SH3GL2: variants seen among roughly 807,000 people sequenced by gnomAD.
SH3GL2 encodes the protein endophilin-A1.
Under a neutral mutation model 46.0 loss-of-function variants are expected in SH3GL2, and 24 were observed. The ratio of observed to expected loss-of-function variants is 0.52; its 90% confidence interval spans 0.38 to 0.73. The LOEUF (loss-of-function observed/expected upper bound fraction) is 0.73, where lower values mean the gene tolerates loss of function less well. SH3GL2 is among the 30% of genes least tolerant of loss of function. The pLI is 0.00. For missense variants in SH3GL2, 413 were observed against 424.2 expected (o/e 0.97, Z 0.23); for synonymous variants, 196 against 147.1 (o/e 1.33, Z -2.40).
At chr9:17,743,254 G>A (rs554350291) in intron 1 of SH3GL2, among the ~76,000 whole-genome samples, 1 of 152,276 alleles carries the variant, frequency 6.6e-6, no homozygotes, top group African/African-American at 2.4e-5. Flanking sequence ...TCGGGGCCTT[G>A]ATATATTTAG....
chr9:17,783,657 C>T (rs1823874867), intron 3 of SH3GL2, among the ~76,000 whole-genome samples: 1 of 152,066 alleles, frequency 6.6e-6, no homozygotes, highest in Admixed American at 6.6e-5. Context: ...AGAAACTACT[C>T]ATTTTAGCAG....
chr9:17,677,456 A>C (rs1394382193), intron 1 of SH3GL2, among the ~76,000 whole-genome samples: 1 of 152,120 alleles, frequency 6.6e-6, no homozygotes, highest in African/African-American at 2.4e-5. Flanking sequence ...CCAAGCACTT[A>C]TTTGGGGGTC....
chr9:17,785,427 A>G (rs963007626), intron 3 of SH3GL2, among the ~76,000 whole-genome samples: 2 of 152,182 alleles, frequency 1.3e-5, no homozygotes, highest in Non-Finnish European at 2.9e-5. Context: ...CAATGCCTCT[A>G]AGACTCAAAG....
chr9:17,659,258 G>T lies in SH3GL2; in HGVS notation c.45+79971G>T, dbSNP rs1220710576. ...GGCTCTCTTCCCCATCTCAGACAAA[G>T]CTTTGGTTCCCTTTGGTCTGCAGCA... On this transcript the variant is annotated intron_variant, in intron 1 of 8. Coordinates refer to ENST00000380607, the MANE Select transcript of SH3GL2 (RefSeq NM_003026.5). Among the ~76,000 whole-genome samples, 6 of 152,288 alleles carry T rather than the reference G, an allele frequency of 3.9e-5. No homozygotes were observed. The South Asian group carries it at 1.2e-3, about 32-fold the overall frequency.
chr9:17,609,014 G>C (rs1217289713), intron 1 of SH3GL2, among the ~76,000 whole-genome samples: 2 of 152,198 alleles, frequency 1.3e-5, no homozygotes, highest in African/African-American at 2.4e-5. Flanking sequence ...CCCAGCATCT[G>C]CTGCTTCTGT....
chr9:17,690,349 C>T (rs1821044464), intron 1 of SH3GL2, among the ~76,000 whole-genome samples: 1 of 152,138 alleles, frequency 6.6e-6, no homozygotes, highest in Admixed American at 6.6e-5. Flanking sequence ...TTTTTATGGA[C>T]TCCTCCAAGC....
At chr9:17,706,379 C>G (rs952064969) in intron 1 of SH3GL2, among the ~76,000 whole-genome samples, 2 of 152,056 alleles carry the variant, frequency 1.3e-5, no homozygotes, top group African/African-American at 4.8e-5. Flanking sequence ...AGCTGTTTTT[C>G]TCCACATTGC....
intron 1 of SH3GL2, among the ~76,000 whole-genome samples, chr9:17,725,396 T>G (rs1211332803): frequency 1.3e-5 from 2 of 152,158 alleles, no homozygotes; most frequent in African/African-American, 4.8e-5. Flanking sequence ...CACTTATTGT[T>G]ACTGTTATCA....
chr9:17,757,516 C>A (rs531595664), intron 2 of SH3GL2, among the ~76,000 whole-genome samples: 1 of 152,330 alleles, frequency 6.6e-6, no homozygotes, highest in East Asian at 1.9e-4. Context: ...GTTTCACTTT[C>A]TTTAAACAGC....
At chr9:17,777,234 A>C (rs1437178677) in intron 3 of SH3GL2, among the ~76,000 whole-genome samples, 1 of 152,216 alleles carries the variant, frequency 6.6e-6, no homozygotes, top group Non-Finnish European at 1.5e-5. Flanking sequence ...GGCTTCTTTC[A>C]AACATAACTT....
At chr9:17,608,024 T>G (rs1224164362) in intron 1 of SH3GL2, among the ~76,000 whole-genome samples, 1 of 152,154 alleles carries the variant, frequency 6.6e-6, no homozygotes, top group Non-Finnish European at 1.5e-5. Flanking sequence ...CCTCATCTGT[T>G]CAAATGAAAA....
At chr9:17,719,793 G>GA (rs59406335) in intron 1 of SH3GL2, among the ~76,000 whole-genome samples, 15,596 of 123,372 alleles carry the variant, frequency 0.13, 900 homozygotes, top group Admixed American at 0.18. Flanking sequence ...ACCCTGTCTT[G>GA]AAAAAAAAAA....
chr9:17,786,809 T>C (rs1823971675), intron 4 of SH3GL2, among the ~76,000 whole-genome samples: 2 of 152,156 alleles, frequency 1.3e-5, no homozygotes, highest in Admixed American at 6.5e-5. Flanking sequence ...ATTGGGTGTT[T>C]CTGGCAGTCA....
At chr9:17,752,537 G>T (rs1002633074) in intron 2 of SH3GL2, among the ~76,000 whole-genome samples, 3 of 151,296 alleles carry the variant, frequency 2.0e-5, no homozygotes, top group Non-Finnish European at 2.9e-5. Flanking sequence ...TCACTCTATT[G>T]TCCAGGCTGG....
chr9:17,590,108 C>G (rs1818452367), intron 1 of SH3GL2: 1 of 152,056 alleles, frequency 6.6e-6, no homozygotes, highest in South Asian at 2.1e-4. Flanking sequence ...GGTGGACACA[C>G]CTCTCACTTC....
chr9:17,652,891 A>G lies in SH3GL2; in HGVS notation c.45+73604A>G, dbSNP rs558492484. On this transcript the variant is annotated intron_variant, in intron 1 of 8. Coordinates refer to ENST00000380607, the MANE Select transcript of SH3GL2 (RefSeq NM_003026.5). ...TTTGTGGTCATATTTTCAGGTACAT[A>G]TACCTCTGTGATTGTTGTATTTTTG... 6.6e-5 allele frequency among the ~76,000 whole-genome samples: 10 copies of G among 152,280 alleles called. 1 individual carries two copies. In the East Asian group the frequency reaches 1.9e-3, roughly 29 times the overall value.
At chr9:17,639,469 C>T (rs912261010) in intron 1 of SH3GL2, among the ~76,000 whole-genome samples, 1 of 152,138 alleles carries the variant, frequency 6.6e-6, no homozygotes, top group Non-Finnish European at 1.5e-5. Context: ...ATATTAAAGC[C>T]ACAATGCGAT....
intron 1 of SH3GL2, among the ~76,000 whole-genome samples, chr9:17,699,132 T>A (rs865802967): frequency 2.1e-4 from 26 of 124,306 alleles, no homozygotes; most frequent in African/African-American, 7.7e-4. Context: ...TCCAGCTAGG[T>A]GACAGAGTGA....
chr9:17,718,835 G>A (rs967605601), intron 1 of SH3GL2, among the ~76,000 whole-genome samples: 1 of 152,134 alleles, frequency 6.6e-6, no homozygotes, highest in Non-Finnish European at 1.5e-5. Flanking sequence ...GATGATTCTG[G>A]TTCAGGTGGG....
Sources: gnomAD v4.1 joint callset for allele counts (sites outside exome capture counted in the v4.1 genomes callset) on GRCh38, gnomAD v4.1.1 for gene constraint, MANE v1.5 for transcripts, NCBI Gene and HGNC (gene_info 2026-07-23, HGNC 2026-07-21) for gene names.